Variants in ZNF480 observed in about 807,000 individuals in gnomAD.
ZNF480 encodes zinc finger protein 480.
A neutral mutation model predicts 14.4 loss-of-function variants in ZNF480; 15 were observed. That is an observed-to-expected ratio of 1.04 (90% CI 0.70 to 1.60). The LOEUF is 1.60. Among genes scored for constraint, ZNF480 ranks in the 40% most tolerant of loss-of-function variants. ZNF480 has a pLI of 0.00. For synonymous variants in ZNF480, 218 were observed against 215.5 expected, an observed-to-expected ratio of 1.01 and a Z score of -0.10; for missense variants, 593 against 629.7, an observed-to-expected ratio of 0.94 and a Z score of 0.62.
chr19:52,300,818 A>T, intron 2 of ZNF480: 1 of 335,802 alleles, frequency 3.0e-6, no homozygotes. Context: ...TAGATTAACT[A>T]AAAGCATTCC....
At position 52,323,675 on chromosome 19, in the gene ZNF480, A is replaced by G. The variant is rs1983956244; in HGVS notation, c.*817A>G. The G allele has an allele frequency of 2.0e-5, 3 of 152,214 alleles. No individual in the cohort carries two copies. The highest frequency in any genetic ancestry group is 7.2e-5 in the African/African-American group (3 of 41,452). The allele number at this position is 152,214 out of a possible 1,614,324, so 9.4% of individuals were successfully genotyped here. A position where few individuals can be genotyped will look rare whatever the true frequency, so the allele number is the denominator to read the frequency against. On this transcript the variant is annotated 3_prime_UTR_variant, in exon 5 of 5. Coordinates refer to ENST00000595962, the MANE Select transcript of ZNF480 (RefSeq NM_144684.4). ...CAAATCAATAAATGTGATTTATCAC[A>G]TACACAGAACTAAAAACAAAAACCA...
intron 1 of ZNF480, chr19:52,297,740 T>C (rs906042284): frequency 1.3e-5 from 2 of 153,330 alleles, no homozygotes; most frequent in Non-Finnish European, 2.9e-5. Context: ...ACACCGCTTC[T>C]CCTAACCCTG....
intron 2 of ZNF480, among the ~76,000 whole-genome samples, chr19:52,307,192 C>T (rs530749433): frequency 6.6e-6 from 1 of 152,292 alleles, no homozygotes; most frequent in Non-Finnish European, 1.5e-5. Flanking sequence ...TTTCCCAGAC[C>T]TCTACATTCA....
At chr19:52,307,155 A>T (rs2122527022) in intron 2 of ZNF480, among the ~76,000 whole-genome samples, 2 of 152,276 alleles carry the variant, frequency 1.3e-5, no homozygotes. Context: ...CCATCCTTAT[A>T]TGACTTCTTC....
chr19:52,313,442 ATTC>A (rs1350965768), intron 2 of ZNF480, among the ~76,000 whole-genome samples: 2 of 151,308 alleles, frequency 1.3e-5, no homozygotes, highest in Non-Finnish European at 2.9e-5. Flanking sequence ...CTGGCCTATA[ATTC>A]TTTTTTTTTT....
chr19:52,312,876 A>C (rs1983356676), intron 2 of ZNF480, among the ~76,000 whole-genome samples: 1 of 151,752 alleles, frequency 6.6e-6, no homozygotes, highest in Admixed American at 6.6e-5. Context: ...GCTGTAGTGC[A>C]GTGGTGTGAT....
rs1482690337 is a variant in ZNF480, at chr19:52,324,751, C to G, written c.*1893C>G. On this transcript the variant is annotated 3_prime_UTR_variant, in exon 5 of 5. Transcript: ENST00000595962. Reference sequence around the variant, plus strand: ...CATATGCAGGATATTGAAACTGGACCCCTATCCTTCACGATATACAAAAAT... The same window carrying G: ...CATATGCAGGATATTGAAACTGGACGCCTATCCTTCACGATATACAAAAAT... 6.6e-6 allele frequency: 1 copy of G among 152,016 alleles called. No individual in the cohort carries two copies. The highest frequency in any genetic ancestry group is 2.4e-5 in the African/African-American group (1 of 41,414). 9.4% of individuals were successfully genotyped at this position (152,016 alleles called of 1,614,324 possible). A position where few individuals can be genotyped will look rare whatever the true frequency, so the allele number is the denominator to read the frequency against.
At position 52,308,308 on chromosome 19, in the gene ZNF480, T is replaced by C. The variant is rs947617058; in HGVS notation, c.73-5845T>C. Among the ~76,000 whole-genome samples, 3 of 10,672 alleles carry C rather than the reference T, an allele frequency of 2.8e-4. No homozygotes were observed. The African/African-American group carries it at 4.0e-3, about 14-fold the overall frequency. 7.0% of individuals were successfully genotyped at this position (10,672 alleles called of 152,430 possible). The stretch of plus-strand genomic sequence containing the variant: ...CGTTTTCTGCTTGATTTTTTTCTTC[T>C]TTTTTTTTTTTTTTTTGAGACCGAG... On this transcript the variant is annotated intron_variant, in intron 2 of 4. Coordinates refer to ENST00000595962, the MANE Select transcript of ZNF480 (RefSeq NM_144684.4).
At position 52,300,505 on chromosome 19, in the gene ZNF480, G is replaced by A. The variant is rs1282529040; in HGVS notation, c.72+21G>A. 5 of 1,608,522 alleles carry A rather than the reference G, an allele frequency of 3.1e-6. 1 individual carries two copies. Among genetic ancestry groups the A allele is most frequent in the Non-Finnish European group, 4.2e-6 (5 of 1,179,588 alleles). On this transcript the variant is annotated intron_variant, in intron 2 of 4. Coordinates refer to ENST00000595962, the MANE Select transcript of ZNF480 (RefSeq NM_144684.4). ...CTCAGGTGAGATGATATTCTCGGTG[G>A]ATTGTTCTGTCTCCTTTCTTTCAGA...
intron 2 of ZNF480, among the ~76,000 whole-genome samples, chr19:52,303,017 A>G (rs909701357): frequency 5.9e-5 from 9 of 152,250 alleles, no homozygotes; most frequent in African/African-American, 1.9e-4. Flanking sequence ...AAATAAAGTC[A>G]TTAGCTGTTC....
chr19:52,297,174 C>T lies in ZNF480; in HGVS notation c.-69C>T, dbSNP rs762491761. 21 of 417,798 alleles carry T rather than the reference C, an allele frequency of 5.0e-5. No homozygotes were observed. The highest frequency in any genetic ancestry group is 8.6e-5 in the Non-Finnish European group (18 of 209,624). 25.9% of individuals were successfully genotyped at this position (417,798 alleles called of 1,614,324 possible). A position where few individuals can be genotyped will look rare whatever the true frequency, so the allele number is the denominator to read the frequency against. On this transcript the variant is annotated 5_prime_UTR_variant, in exon 1 of 5. Transcript: ENST00000595962. ...GACCCCTCCGCTGCGCGCGCAGTTT[C>T]CCACAAACCCGGAAGCGGATCGCGT... is the stretch of plus-strand genomic sequence containing the variant.
intron 1 of ZNF480, among the ~76,000 whole-genome samples, chr19:52,298,685 T>G (rs1156426301): frequency 6.7e-6 from 1 of 149,848 alleles, no homozygotes; most frequent in East Asian, 1.9e-4. Context: ...GATCAAAGAT[T>G]GAGCAGAAAG....
intron 1 of ZNF480, 65 bp from the exon 2 acceptor site, chr19:52,300,329 T>C: frequency 6.5e-7 from 1 of 1,545,642 alleles, no homozygotes; most frequent in Non-Finnish European, 8.9e-7. Flanking sequence ...CCTGTGTGTG[T>C]GATTGTGGCA....
intron 2 of ZNF480, among the ~76,000 whole-genome samples, chr19:52,305,225 T>A (rs1982874258): frequency 6.6e-6 from 1 of 152,194 alleles, no homozygotes; most frequent in Non-Finnish European, 1.5e-5. Context: ...ACTCCAACTG[T>A]GTTAAATCGA....
At position 52,315,901 on chromosome 19, in the gene ZNF480, G is replaced by A. The variant is rs1162176811; in HGVS notation, c.267G>A (p.Glu89=). 1.2e-6 allele frequency: 2 copies of A among 1,613,206 alleles called. No homozygotes were observed. The highest frequency in any genetic ancestry group is 1.7e-6 in the Non-Finnish European group (2 of 1,179,454). Residue 89 remains glutamate (E), a synonymous_variant, in exon 4 of 5, where the codon GAG becomes GAA. Transcript: ENST00000595962. The stretch of plus-strand genomic sequence containing the variant: ...AAAGGAGGGAGCCCTGGTCTGGTGA[G>A]AGTGAAGTGAAAATAGCAAAAAATT... ...LEQRREPWSG[E]SEVKIAKNSD...
chr19:52,321,418 C>T (rs1362630624), intron 4 of ZNF480, among the ~76,000 whole-genome samples, 161 bp from the exon 5 acceptor site: 4 of 152,176 alleles, frequency 2.6e-5, no homozygotes, highest in Admixed American at 2.6e-4. Flanking sequence ...AGTGCATCAC[C>T]TTACCCTTTT....
intron 2 of ZNF480, among the ~76,000 whole-genome samples, chr19:52,311,004 CA>C (rs972255252): frequency 0.24 from 14,647 of 59,976 alleles, 835 homozygotes; most frequent in African/African-American, 0.38. Context: ...GATTCCGCCT[CA>C]AAAAAAAAAA....
chr19:52,304,160 A>C (rs1600213602), intron 2 of ZNF480, among the ~76,000 whole-genome samples: 1 of 152,244 alleles, frequency 6.6e-6, no homozygotes, highest in East Asian at 1.9e-4. Context: ...CTTTCCAATG[A>C]AAACGCTTAG....
intron 2 of ZNF480, among the ~76,000 whole-genome samples, chr19:52,313,582 G>T (rs1416274591): frequency 2.6e-5 from 4 of 152,138 alleles, no homozygotes; most frequent in Non-Finnish European, 4.4e-5. Context: ...AATAGCTAAT[G>T]CTTCTATAGA....
Sources: allele counts gnomAD v4.1 joint callset (sites outside exome capture counted in the v4.1 genomes callset), GRCh38; gene constraint gnomAD v4.1.1; transcripts MANE v1.5; gene names NCBI Gene and HGNC (gene_info 2026-07-23, HGNC 2026-07-21).